EXT2: variants seen among roughly 807,000 people sequenced by gnomAD.
EXT2 encodes exostosin glycosyltransferase 2.
A neutral mutation model predicts 81.6 loss-of-function variants in EXT2; 53 were observed. The observed-to-expected ratio is 0.65, with a 90% CI of 0.52 to 0.82. The LOEUF is 0.82. EXT2 is among the 40% of genes least tolerant of loss of function. EXT2 has a pLI of 0.00. For missense variants in EXT2, 774 were observed against 910.2 expected (o/e 0.85, Z 1.93); for synonymous variants, 320 against 340.0 (o/e 0.94, Z 0.65).
intron 4 of EXT2, among the ~76,000 whole-genome samples, chr11:44,119,169 T>TATATATACACAC (rs1192115471): frequency 3.2e-5 from 2 of 63,156 alleles, no homozygotes; most frequent in African/African-American, 1.2e-4. Flanking sequence ...TATATATATA[T>TATATATACACAC]ACACATACAC....
At chr11:44,180,880 T>G (rs896419502) in intron 8 of EXT2, among the ~76,000 whole-genome samples, 31 of 152,238 alleles carry the variant, frequency 2.0e-4, no homozygotes, top group African/African-American at 7.5e-4. Context: ...GGCGGGCGGA[T>G]CACCTGAGGT....
chr11:44,180,204 C>T (rs935553994), intron 8 of EXT2, among the ~76,000 whole-genome samples: 18 of 152,148 alleles, frequency 1.2e-4, no homozygotes, highest in African/African-American at 4.3e-4. Context: ...TTTTAAATTT[C>T]TTACTCAGAA....
Position 44,095,856 on chromosome 11 carries a change from A to C in EXT2, c.-31+4A>C. 5.6e-6 allele frequency: 1 copy of C among 179,270 alleles called. No individual in the cohort carries two copies. The allele number at this position is 179,270 out of a possible 1,614,324, so 11.1% of individuals were successfully genotyped here. A position where few individuals can be genotyped will look rare whatever the true frequency, so the allele number is the denominator to read the frequency against. On this transcript the variant is annotated splice_donor_region_variant and intron_variant, in intron 1 of 13. Transcript: ENST00000533608. ...GCGGGAGGCAGCCGTGGCCGAGGTA[A>C]GCGCGGCTCTCCAGGGCGGCGGCCG...
chr11:44,232,724 G>C lies in EXT2; in HGVS notation c.1806+228G>C, dbSNP rs538060976. Among the ~76,000 whole-genome samples, 4 of 152,224 alleles carry C rather than the reference G, an allele frequency of 2.6e-5. No homozygotes were observed. In the South Asian group the frequency reaches 8.3e-4, roughly 32 times the overall value. ...AAGTTACTTGTAATCCTGTCACTTC[G>C]AGATAACCATTTTATCATTCAGGTG... On this transcript the variant is annotated intron_variant, in intron 11 of 13. Transcript: ENST00000533608.
chr11:44,126,744 G>A lies in EXT2; in HGVS notation c.940-72G>A. 4 of 1,595,904 alleles carry A rather than the reference G, an allele frequency of 2.5e-6. No individual in the cohort carries two copies. In the Admixed American group the frequency reaches 6.7e-5, roughly 27 times the overall value. ...GCGTCAACCCTTGTAGAAACTTTGTGGTCTGTAGGGATCAAAGTTAGTGGA... is the reference window on the plus strand; with the variant it reads ...GCGTCAACCCTTGTAGAAACTTTGTAGTCTGTAGGGATCAAAGTTAGTGGA... On this transcript the variant is annotated intron_variant, in intron 5 of 13. Coordinates refer to ENST00000533608, the MANE Select transcript of EXT2 (RefSeq NM_207122.2).
chr11:44,248,613 T>C lies in EXT2; in HGVS notation c.*4326T>C, dbSNP rs976927063. 2.6e-5 allele frequency among the ~76,000 whole-genome samples: 4 copies of C among 152,220 alleles called. No homozygotes were observed. Among genetic ancestry groups the C allele is most frequent in the Non-Finnish European group, 4.4e-5 (3 of 68,040 alleles). ...TCAGGCAGGCAAGACCCACTCTAAA[T>C]TTTAATGTTTCCCCCTCATTTTAGG... On this transcript the variant is annotated 3_prime_UTR_variant, in exon 14 of 14. Coordinates refer to ENST00000533608, the MANE Select transcript of EXT2 (RefSeq NM_207122.2).
At chr11:44,151,470 A>T (rs1200362945) in intron 7 of EXT2, among the ~76,000 whole-genome samples, 4 of 152,144 alleles carry the variant, frequency 2.6e-5, no homozygotes, top group Non-Finnish European at 5.9e-5. Context: ...AGTTGAAATT[A>T]TATAGTATGT....
In EXT2 at chr11:44,125,090, A is replaced by G. The variant is rs890358907; in HGVS notation, c.939+106A>G. The G allele has an allele frequency of 6.6e-5, 69 of 1,037,912 alleles. No individual in the cohort carries two copies. In the African/African-American group the frequency reaches 1.0e-3, roughly 15 times the overall value. 64.3% of individuals were successfully genotyped at this position (1,037,912 alleles called of 1,614,324 possible). On this transcript the variant is annotated intron_variant, in intron 5 of 13. Coordinates refer to ENST00000533608, the MANE Select transcript of EXT2 (RefSeq NM_207122.2). Reference sequence around the variant, plus strand: ...TTGTTTTCAGCATGCAACTAGAATTACCCAAGGGGAAGAAAACATAGCATT... The same window carrying G: ...TTGTTTTCAGCATGCAACTAGAATTGCCCAAGGGGAAGAAAACATAGCATT...
At chr11:44,156,447 T>C (rs1033474635) in intron 7 of EXT2, among the ~76,000 whole-genome samples, 3 of 152,170 alleles carry the variant, frequency 2.0e-5, no homozygotes, top group African/African-American at 7.2e-5. Context: ...CTCCTCTCTC[T>C]ATGTTTTCAA....
At chr11:44,131,288 G>A (rs1164520102) in intron 7 of EXT2, among the ~76,000 whole-genome samples, 1 of 152,126 alleles carries the variant, frequency 6.6e-6, no homozygotes, top group Admixed American at 6.5e-5. Flanking sequence ...TCATTTTAGA[G>A]TTTTAGGAGA....
chr11:44,237,915 A>AC (rs1955986940), intron 13 of EXT2, among the ~76,000 whole-genome samples: 1 of 143,898 alleles, frequency 6.9e-6, no homozygotes, highest in Non-Finnish European at 1.5e-5. Flanking sequence ...AAAAAAAAAA[A>AC]AAAAAAAAAA....
chr11:44,203,478 A>G (rs1955544811), intron 9 of EXT2, among the ~76,000 whole-genome samples: 1 of 152,212 alleles, frequency 6.6e-6, no homozygotes. Flanking sequence ...TTCAACAGAA[A>G]TCTGCCCCAG....
Position 44,108,270 on chromosome 11 carries a change from C to T in EXT2, c.536+22C>T, listed in dbSNP as rs1456082527. 5 of 1,607,524 alleles carry T rather than the reference C, an allele frequency of 3.1e-6. No individual in the cohort carries two copies. The African/African-American group carries it at 6.7e-5, about 21-fold the overall frequency. On this transcript the variant is annotated intron_variant, in intron 2 of 13. Coordinates refer to ENST00000533608, the MANE Select transcript of EXT2 (RefSeq NM_207122.2). ...CTAGGTATCTCACACTCATACAGCC[C>T]AGCCCCCAGGAGATACTTGAGTGGC...
chr11:44,125,330 TTTC>T (rs1954385081), intron 5 of EXT2, among the ~76,000 whole-genome samples: 1 of 152,154 alleles, frequency 6.6e-6, no homozygotes, highest in South Asian at 2.1e-4. Context: ...CCAGAGAAAT[TTTC>T]TTCTTTGAGG....
chr11:44,233,449 C>T (rs984507861), intron 11 of EXT2, among the ~76,000 whole-genome samples: 1 of 152,066 alleles, frequency 6.6e-6, no homozygotes, highest in Admixed American at 6.5e-5. Flanking sequence ...ATCATCACTT[C>T]GTGTTTTTGA....
At chr11:44,127,623 T>C (rs1222499785) in intron 6 of EXT2, among the ~76,000 whole-genome samples, 2 of 152,220 alleles carry the variant, frequency 1.3e-5, no homozygotes, top group Non-Finnish European at 1.5e-5. Flanking sequence ...TTGGGGACTG[T>C]TGCTTTTCAG....
At chr11:44,179,074 T>C (rs1392993756) in intron 8 of EXT2, among the ~76,000 whole-genome samples, 1 of 152,088 alleles carries the variant, frequency 6.6e-6, no homozygotes, top group Non-Finnish European at 1.5e-5. Context: ...CACAGAGAGC[T>C]TGATCTGGGG....
chr11:44,161,949 T>C (rs1402428467), intron 7 of EXT2, among the ~76,000 whole-genome samples: 1 of 152,224 alleles, frequency 6.6e-6, no homozygotes, highest in Non-Finnish European at 1.5e-5. Context: ...GTCAATGTCA[T>C]GAAAGACAAG....
chr11:44,100,622 T>A (rs975721567), intron 1 of EXT2, among the ~76,000 whole-genome samples: 2 of 151,794 alleles, frequency 1.3e-5, no homozygotes, highest in Non-Finnish European at 1.5e-5. Context: ...GAACTCAGGG[T>A]TCATTGTGAA....
Sources: allele counts gnomAD v4.1 joint callset (sites outside exome capture counted in the v4.1 genomes callset), GRCh38; gene constraint gnomAD v4.1.1; transcripts MANE v1.5; gene names NCBI Gene and HGNC (gene_info 2026-07-23, HGNC 2026-07-21).